MAP3K5: variants seen among roughly 807,000 people sequenced by gnomAD.
The protein encoded by MAP3K5 is ASK-1.
A neutral mutation model predicts 158.7 loss-of-function variants in MAP3K5; 56 were observed. The observed-to-expected ratio is 0.35, with a 90% confidence interval of 0.28 to 0.44. MAP3K5 has a LOEUF of 0.44. Among genes scored for constraint, MAP3K5 ranks in the 20% least tolerant of loss-of-function variants. MAP3K5 has a pLI of 1.00. For missense variants in MAP3K5, 1,294 were observed against 1,674.8 expected (o/e 0.77, Z 3.97); for synonymous variants, 579 against 601.7 (o/e 0.96, Z 0.55).
intron 25 of MAP3K5, among the ~76,000 whole-genome samples, chr6:136,568,211 G>C (rs1167848706): frequency 6.6e-6 from 1 of 152,174 alleles, no homozygotes; most frequent in East Asian, 1.9e-4. Context: ...AACCTTTTAA[G>C]AATATTTAAA....
Position 136,688,658 on chromosome 6 carries a change from A to G in MAP3K5, c.1253+5482T>C, listed in dbSNP as rs114554116. Among the ~76,000 whole-genome samples, 410 of 152,288 alleles carry G rather than the reference A, an allele frequency of 2.7e-3. 1 individual carries two copies. Among genetic ancestry groups the G allele is most frequent in the Middle Eastern group, 6.8e-3 (2 of 294 alleles). On this transcript the variant is annotated intron_variant, in intron 7 of 29. Coordinates refer to ENST00000359015, the MANE Select transcript of MAP3K5 (RefSeq NM_005923.4). Reference sequence around the variant, plus strand: ...AAAATTGAAACAAAAACAAAACCAGAAAAAACTCTGCTCCTTAACTGAACT... The same window carrying G: ...AAAATTGAAACAAAAACAAAACCAGGAAAAACTCTGCTCCTTAACTGAACT...
Position 136,601,913 on chromosome 6 carries a change from G to A in MAP3K5, c.2746C>T (p.Leu916=). The part of the protein sequence containing the change: ...SMSAEAKAFI[L]KCFEPDPDKR... ...TCAGGATCTGGTTCAAAACATTTCAGTATGAATGCCTTGGCCTCTGCAGAC... is the reference window on the plus strand; with the variant it reads ...TCAGGATCTGGTTCAAAACATTTCAATATGAATGCCTTGGCCTCTGCAGAC... Residue 916 remains leucine (L), a synonymous_variant, in exon 20 of 30, where the codon CTG becomes TTG. Coordinates refer to ENST00000359015, the MANE Select transcript of MAP3K5 (RefSeq NM_005923.4). 6.2e-7 allele frequency: 1 copy of A among 1,614,170 alleles called. No homozygotes were observed. Among genetic ancestry groups the A allele is most frequent in the East Asian group, 2.2e-5 (1 of 44,876 alleles).
At position 136,567,717 on chromosome 6, in the gene MAP3K5, C is replaced by T. The variant is rs750634722; in HGVS notation, c.3675G>A (p.Thr1225=). The T allele has an allele frequency of 2.5e-5, 40 of 1,613,932 alleles. No homozygotes were observed. The highest frequency in any genetic ancestry group is 6.7e-5 in the East Asian group (3 of 44,888). The change falls in exon 26 of 30, where the codon ACG becomes ACA. Residue 1225 remains threonine, a synonymous_variant. Transcript: ENST00000359015. ...AATCATGAGACACAGTAGAACTGAG[C>T]GTGCTCACGCCTGAGGTAGCCACAG... The part of the protein sequence containing the change: ...EDAVATSGVS[T]LSSTVSHDSQ...
At position 136,727,070 on chromosome 6, in the gene MAP3K5, T is replaced by C. The variant is rs578089630; in HGVS notation, c.449-6481A>G. Reference sequence around the variant, plus strand: ...ACCTAACTAAAGAAAACATTATCTGTGGCTACTTTCTGACTCTGCTGGGTA... The same window carrying C: ...ACCTAACTAAAGAAAACATTATCTGCGGCTACTTTCTGACTCTGCTGGGTA... On this transcript the variant is annotated intron_variant, in intron 1 of 29. Transcript: ENST00000359015. Among the ~76,000 whole-genome samples, 9 of 152,320 alleles carry C rather than the reference T, an allele frequency of 5.9e-5. 1 individual carries two copies. Among genetic ancestry groups the C allele is most frequent in the African/African-American group, 2.2e-4 (9 of 41,572 alleles).
chr6:136,697,529 TA>T, intron 4 of MAP3K5, 142 bp from the exon 5 acceptor site: 1 of 571,402 alleles, frequency 1.8e-6, no homozygotes, highest in Non-Finnish European at 2.9e-6. Context: ...GATGCCTAAA[TA>T]AATATCTTAC....
At position 136,613,095 on chromosome 6, in the gene MAP3K5, G is replaced by A; in HGVS notation, c.2415+25C>T. The A allele has an allele frequency of 1.3e-6, 2 of 1,570,738 alleles. No homozygotes were observed. Among genetic ancestry groups the A allele is most frequent in the South Asian group, 2.4e-5 (2 of 82,934 alleles). On this transcript the variant is annotated intron_variant, in intron 17 of 29. Coordinates refer to ENST00000359015, the MANE Select transcript of MAP3K5 (RefSeq NM_005923.4). The surrounding 1 kb of genome is among the most constrained non-coding windows in gnomAD (Gnocchi z 4.0). ...ATAACCCAGCAAAGAAAGAACTCATGAAAATGAATGCTGGTGTACCTCACC... is the reference window on the plus strand; with the variant it reads ...ATAACCCAGCAAAGAAAGAACTCATAAAAATGAATGCTGGTGTACCTCACC...
At chr6:136,633,601 GGAA>G (rs1777482589) in intron 14 of MAP3K5, among the ~76,000 whole-genome samples, 1 of 151,980 alleles carries the variant, frequency 6.6e-6, no homozygotes, top group Non-Finnish European at 1.5e-5. Context: ...TGAATCAGAA[GGAA>G]GAAGGGGCTG....
intron 1 of MAP3K5, among the ~76,000 whole-genome samples, chr6:136,725,375 C>T (rs772035183): frequency 2.6e-5 from 4 of 152,072 alleles, no homozygotes; most frequent in African/African-American, 4.8e-5. Flanking sequence ...TGGTATTGTC[C>T]GTTTTTCTTC....
intron 7 of MAP3K5, among the ~76,000 whole-genome samples, chr6:136,674,290 T>C (rs1779609219): frequency 6.6e-6 from 1 of 152,134 alleles, no homozygotes; most frequent in East Asian, 1.9e-4. Flanking sequence ...AGAGTAAATA[T>C]GTGACTAGAT....
chr6:136,559,178 C>A (rs1830390023), intron 28 of MAP3K5, among the ~76,000 whole-genome samples: 1 of 152,060 alleles, frequency 6.6e-6, no homozygotes, highest in African/African-American at 2.4e-5. Context: ...TGGTGAAACC[C>A]CATCTCTACT....
intron 2 of MAP3K5, 128 bp from the exon 3 acceptor site, chr6:136,705,261 AGATTCAG>A (rs1452685873): frequency 1.5e-5 from 7 of 469,262 alleles, no homozygotes; most frequent in Non-Finnish European, 2.7e-5. Context: ...TAGGAACTGT[AGATTCAG>A]TTCCTGCATC....
chr6:136,602,771 G>A (rs533952868), intron 19 of MAP3K5, among the ~76,000 whole-genome samples: 3 of 152,288 alleles, frequency 2.0e-5, no homozygotes, highest in Admixed American at 6.5e-5. Flanking sequence ...AGGTAACAAG[G>A]CTAAGAAAAG....
At chr6:136,714,465 G>A (rs1781438077) in intron 2 of MAP3K5, among the ~76,000 whole-genome samples, 1 of 152,128 alleles carries the variant, frequency 6.6e-6, no homozygotes, top group African/African-American at 2.4e-5. Context: ...CATGGGTCTA[G>A]GTATCACAGA....
chr6:136,581,047 C>A (rs940846660), intron 24 of MAP3K5, among the ~76,000 whole-genome samples: 9 of 152,154 alleles, frequency 5.9e-5, no homozygotes, highest in Admixed American at 2.0e-4. Flanking sequence ...ACTACCATCA[C>A]CGCCATCCAT....
At chr6:136,737,033 GTGTGTATA>G (rs975856091) in intron 1 of MAP3K5, among the ~76,000 whole-genome samples, 4 of 112,018 alleles carry the variant, frequency 3.6e-5, no homozygotes, top group Non-Finnish European at 6.6e-5. Context: ...ATATATATGT[GTGTGTATA>G]TATATATATA....
chr6:136,748,538 G>C (rs1271831084), intron 1 of MAP3K5, among the ~76,000 whole-genome samples: 4 of 152,148 alleles, frequency 2.6e-5, no homozygotes, highest in Admixed American at 6.5e-5. Context: ...ATGGGGGAGT[G>C]TTCTTCGCAA....
chr6:136,635,613 G>A (rs1394143936), intron 14 of MAP3K5, among the ~76,000 whole-genome samples: 2 of 151,264 alleles, frequency 1.3e-5, no homozygotes, highest in Admixed American at 1.3e-4. Flanking sequence ...TATAGGCCAG[G>A]CATGGTGCTT....
chr6:136,571,739 CCTT>C (rs1217177835), intron 25 of MAP3K5, among the ~76,000 whole-genome samples: 3 of 152,124 alleles, frequency 2.0e-5, no homozygotes, highest in Non-Finnish European at 4.4e-5. Flanking sequence ...TCTTTGAAAT[CCTT>C]CTTTTAGTTT....
At chr6:136,715,556 A>T (rs1365238998) in intron 2 of MAP3K5, among the ~76,000 whole-genome samples, 1 of 152,168 alleles carries the variant, frequency 6.6e-6, no homozygotes, top group Non-Finnish European at 1.5e-5. Context: ...GCACATGTCT[A>T]TCCTTTTATA....
Sources: allele counts gnomAD v4.1 joint callset (sites outside exome capture counted in the v4.1 genomes callset), GRCh38; gene constraint gnomAD v4.1.1; non-coding constraint Gnocchi (gnomAD v3.1); transcripts MANE v1.5; gene names NCBI Gene and HGNC (gene_info 2026-07-23, HGNC 2026-07-21).